The following DLGAP2 variants were observed in gnomAD, a reference collection of about 807,000 sequenced individuals.
DLGAP2 encodes DLG associated protein 2.
A neutral mutation model predicts 100.3 loss-of-function variants in DLGAP2; 26 were observed. That is an observed-to-expected ratio of 0.26 (90% CI 0.19 to 0.36). The LOEUF (loss-of-function observed/expected upper bound fraction) is 0.36. DLGAP2 is among the 10% of genes least tolerant of loss of function. DLGAP2 has a pLI of 1.00. For missense variants in DLGAP2, 1,858 were observed against 1,453.2 expected (o/e 1.28, Z -4.53); for synonymous variants, 886 against 630.1 (o/e 1.41, Z -6.08).
intron 2 of DLGAP2, among the ~76,000 whole-genome samples, chr8:919,638 C>T (rs925118768): frequency 3.9e-5 from 6 of 152,310 alleles, no homozygotes; most frequent in East Asian, 1.9e-4. Context: ...CCGGTGTGCC[C>T]GGGATCCGTC....
At chr8:822,324 G>C in intron 1 of DLGAP2, 1 of 398,612 alleles carries the variant, frequency 2.5e-6, no homozygotes, top group Non-Finnish European at 4.4e-6. Context: ...GCCTGGCCAG[G>C]CTCAGGCTAC....
chr8:1,402,198 A>G (rs796763956), intron 3 of DLGAP2, among the ~76,000 whole-genome samples: 17 of 2,444 alleles, frequency 7.0e-3, no homozygotes, highest in South Asian at 0.1. Context: ...CTCCCTCCTC[A>G]TCCTCCTGAG....
At chr8:1,602,055 C>A (rs114870734) in intron 6 of DLGAP2, among the ~76,000 whole-genome samples, 2 of 151,830 alleles carry the variant, frequency 1.3e-5, no homozygotes. Context: ...CCTGCTGCAT[C>A]CCAGACTTGG....
chr8:1,622,226 G>T (rs1048380748), intron 6 of DLGAP2: 1 of 152,156 alleles, frequency 6.6e-6, no homozygotes, highest in Non-Finnish European at 1.5e-5. Flanking sequence ...TTATATTTGG[G>T]AGCTTCTCCT....
At chr8:946,967 G>A (rs980060988) in intron 2 of DLGAP2, among the ~76,000 whole-genome samples, 1 of 152,182 alleles carries the variant, frequency 6.6e-6, no homozygotes, top group African/African-American at 2.4e-5. Flanking sequence ...AGGGCTCTGG[G>A]ACGTCGGGTA....
intron 8 of DLGAP2, among the ~76,000 whole-genome samples, chr8:1,667,610 C>A (rs1248546027): frequency 6.6e-6 from 1 of 152,166 alleles, no homozygotes; most frequent in East Asian, 1.9e-4. Flanking sequence ...ACACACAAGC[C>A]CAAGAGCAGA....
chr8:1,441,356 G>T (rs1485736683), intron 3 of DLGAP2, among the ~76,000 whole-genome samples: 1 of 151,954 alleles, frequency 6.6e-6, no homozygotes, highest in Non-Finnish European at 1.5e-5. Flanking sequence ...TTTGTTAATT[G>T]TTCACTGTTT....
chr8:1,617,463 T>C (rs895902166), intron 6 of DLGAP2, among the ~76,000 whole-genome samples: 1 of 152,228 alleles, frequency 6.6e-6, no homozygotes, highest in African/African-American at 2.4e-5. Flanking sequence ...TGATTTGCAT[T>C]TCTTTAATGA....
intron 2 of DLGAP2, among the ~76,000 whole-genome samples, chr8:1,155,908 T>G (rs1796775097): frequency 6.6e-6 from 1 of 152,142 alleles, no homozygotes; most frequent in African/African-American, 2.4e-5. Flanking sequence ...GAGGCCAGTA[T>G]GCAGAGGCCG....
intron 5 of DLGAP2, among the ~76,000 whole-genome samples, chr8:1,552,754 G>A (rs770922036): frequency 6.6e-6 from 1 of 152,222 alleles, no homozygotes; most frequent in Non-Finnish European, 1.5e-5. Flanking sequence ...AGCACTTGCA[G>A]CTGAACGACA....
intron 3 of DLGAP2, among the ~76,000 whole-genome samples, chr8:1,422,051 A>G (rs536176485): frequency 9.3e-4 from 141 of 152,294 alleles, no homozygotes; most frequent in African/African-American, 3.2e-3. Flanking sequence ...AGCATCTAAC[A>G]CACGCTAGGC....
intron 3 of DLGAP2, among the ~76,000 whole-genome samples, chr8:1,356,098 A>G (rs528866154): frequency 5.9e-4 from 90 of 152,328 alleles, no homozygotes; most frequent in Non-Finnish European, 9.4e-4. Flanking sequence ...GTCCCTGGAC[A>G]AGGTGGGCCC....
chr8:1,498,249 A>G (rs1412757522), intron 3 of DLGAP2, among the ~76,000 whole-genome samples: 1 of 152,086 alleles, frequency 6.6e-6, no homozygotes, highest in African/African-American at 2.4e-5. Flanking sequence ...CAGGCTGCAA[A>G]GAGGATGGAT....
chr8:1,426,429 G>C (rs926829371), intron 3 of DLGAP2, among the ~76,000 whole-genome samples: 2 of 152,176 alleles, frequency 1.3e-5, no homozygotes, highest in African/African-American at 4.8e-5. Flanking sequence ...CAGAGCTAGG[G>C]AGGAAAGATG....
rs150146281 is a variant in DLGAP2 at position 768,342 on chromosome 8, A to G, written c.18+30517A>G. ...TACAGTCACTCAGACAAATTACTCAAATAACTGTTATTTCAGTTAAGCTTT... is the reference window on the plus strand; with the variant it reads ...TACAGTCACTCAGACAAATTACTCAGATAACTGTTATTTCAGTTAAGCTTT... On this transcript the variant is annotated intron_variant, in intron 1 of 14. Coordinates refer to ENST00000637795, the MANE Select transcript of DLGAP2 (RefSeq NM_001346810.2). Among the ~76,000 whole-genome samples the G allele has an allele frequency of 7.9e-5, 12 of 152,136 alleles. 1 individual carries two copies. In the East Asian group the frequency reaches 1.9e-3, roughly 24 times the overall value.
chr8:1,021,884 G>C (rs754680124), intron 2 of DLGAP2, among the ~76,000 whole-genome samples: 2 of 152,094 alleles, frequency 1.3e-5, no homozygotes, highest in Non-Finnish European at 2.9e-5. Context: ...TTCTCCTCTT[G>C]TTTGTTCCAC....
intron 2 of DLGAP2, among the ~76,000 whole-genome samples, chr8:1,073,556 A>G (rs1351953891): frequency 6.6e-6 from 1 of 152,212 alleles, no homozygotes; most frequent in African/African-American, 2.4e-5. Flanking sequence ...TTACTTTTCC[A>G]AAGATGGTTT....
intron 6 of DLGAP2, among the ~76,000 whole-genome samples, chr8:1,597,444 T>TA (rs1449949409): frequency 6.6e-6 from 1 of 152,014 alleles, no homozygotes; most frequent in East Asian, 1.9e-4. Context: ...ATGGAATCTG[T>TA]AAATTACTTT....
intron 2 of DLGAP2, among the ~76,000 whole-genome samples, chr8:1,217,170 C>G (rs946721649): frequency 6.6e-6 from 1 of 152,154 alleles, no homozygotes; most frequent in Non-Finnish European, 1.5e-5. Flanking sequence ...CTCATGAATT[C>G]TCAGTGTTTA....
Sources: allele counts gnomAD v4.1 joint callset (sites outside exome capture counted in the v4.1 genomes callset), GRCh38; gene constraint gnomAD v4.1.1; transcripts MANE v1.5; gene names NCBI Gene and HGNC (gene_info 2026-07-23, HGNC 2026-07-21).